PABPC1L: variants seen among roughly 807,000 people sequenced by gnomAD.
The protein encoded by PABPC1L is polyadenylate-binding protein 1-like.
Under a neutral mutation model 66.6 loss-of-function variants are expected in PABPC1L, and 31 were observed. The ratio of observed to expected loss-of-function variants is 0.47; its 90% confidence interval spans 0.35 to 0.63. The LOEUF (loss-of-function observed/expected upper bound fraction) is 0.63, where lower values mean the gene tolerates loss of function less well. Among genes scored for constraint, PABPC1L ranks in the 20% least tolerant of loss-of-function variants. The pLI is 0.00. For missense variants in PABPC1L, 722 were observed against 848.8 expected, an observed-to-expected ratio of 0.85 and a Z score of 1.86; for synonymous variants, 348 against 335.1, an observed-to-expected ratio of 1.04 and a Z score of -0.42.
At chr20:44,913,377 A>T (rs1427127688) in intron 2 of PABPC1L, among the ~76,000 whole-genome samples, 2 of 151,780 alleles carry the variant, frequency 1.3e-5, no homozygotes, top group Admixed American at 6.6e-5. Context: ...GCCTCTTGAG[A>T]ACTAAATGCA....
chr20:44,911,689 C>T (rs1368204565), intron 1 of PABPC1L, among the ~76,000 whole-genome samples: 1 of 152,126 alleles, frequency 6.6e-6, no homozygotes. Flanking sequence ...GGGCTGGATT[C>T]CTGGGCACTT....
At chr20:44,928,864 C>CA (rs10597679) in intron 7 of PABPC1L, among the ~76,000 whole-genome samples, 1,591 of 54,186 alleles carry the variant, frequency 0.029, 107 homozygotes, top group African/African-American at 0.1. Flanking sequence ...GATCCTGACT[C>CA]AAAAAAAAAA....
intron 7 of PABPC1L, among the ~76,000 whole-genome samples, chr20:44,929,506 T>C (rs150587125): frequency 2.6e-5 from 4 of 152,016 alleles, no homozygotes; most frequent in East Asian, 3.9e-4. Context: ...GTGAAAGATA[T>C]ACAGCAGGCC....
intron 2 of PABPC1L, among the ~76,000 whole-genome samples, chr20:44,915,160 A>C (rs924365030): frequency 6.6e-6 from 1 of 152,238 alleles, no homozygotes; most frequent in Admixed American, 6.5e-5. Context: ...GGGGAGCCTC[A>C]AATGCCAAGT....
chr20:44,932,721 T>C (rs980268045), intron 9 of PABPC1L: 2 of 500,626 alleles, frequency 4.0e-6, no homozygotes, highest in African/African-American at 3.8e-5. Context: ...AAGGTGAAAT[T>C]CCTCTGGCTA....
chr20:44,932,110 G>A (rs917457273), intron 8 of PABPC1L: 3 of 375,796 alleles, frequency 8.0e-6, no homozygotes, highest in South Asian at 9.7e-5. Context: ...AGGTCATTGG[G>A]TTAGCTGACA....
At chr20:44,936,786 A>G in intron 12 of PABPC1L, 56 bp downstream of exon 12, 2 of 1,530,802 alleles carry the variant, frequency 1.3e-6, no homozygotes, top group Non-Finnish European at 1.8e-6. Flanking sequence ...CGAGCTGGCT[A>G]GCCTGCTGGG....
intron 9 of PABPC1L, chr20:44,932,827 A>C: frequency 1.8e-6 from 1 of 561,490 alleles, no homozygotes; most frequent in East Asian, 2.9e-5. Context: ...GTGCTTATGC[A>C]GTTTGGGGCT....
At chr20:44,924,338 C>T (rs1338190908) in intron 7 of PABPC1L, 82 bp downstream of exon 7, 11 of 1,118,966 alleles carry the variant, frequency 9.8e-6, no homozygotes, top group Middle Eastern at 2.6e-4. Flanking sequence ...ACCCCTCCAC[C>T]CTCTCGCCCA....
chr20:44,937,827 C>CA (rs2066913085), intron 12 of PABPC1L: 2 of 509,664 alleles, frequency 3.9e-6, no homozygotes, highest in Non-Finnish European at 6.8e-6. Context: ...CCACTTAAGG[C>CA]ACCCAGTCCT....
rs2066693884 is a variant in PABPC1L, at chr20:44,910,200, C to G, written c.57C>G (p.His19Gln). The change falls in exon 1 of 15, where the codon CAC (histidine) becomes CAG (glutamine). Residue 19 changes from histidine to glutamine, a missense_variant. By Grantham distance (24) the His-to-Gln change is conservative. Transcript: ENST00000217073. ...CCTCGCTTTACGTGGGCGATCTGCA[C>G]CCCGACGTGACCGAGGCCATGCTCT... ...PLASLYVGDL[H>Q]PDVTEAMLYE... 1 of 1,581,308 alleles carries G rather than the reference C, an allele frequency of 6.3e-7. No homozygotes were observed. The highest frequency in any genetic ancestry group is 1.8e-5 in the Admixed American group (1 of 55,992).
At chr20:44,930,995 T>TC (rs2066848787) in intron 8 of PABPC1L, among the ~76,000 whole-genome samples, 1 of 117,394 alleles carries the variant, frequency 8.5e-6, no homozygotes, top group Non-Finnish European at 1.8e-5. Flanking sequence ...AAGACCTACA[T>TC]TTTTCCTTCC....
intron 11 of PABPC1L, 129 bp downstream of exon 11, chr20:44,935,626 C>A: frequency 1.5e-6 from 1 of 660,950 alleles, no homozygotes; most frequent in Non-Finnish European, 2.6e-6. Flanking sequence ...TTAATGTGTA[C>A]AATCAATAAG....
rs1434646734 is a variant in PABPC1L at position 44,910,135 on chromosome 20, C to T, written c.-9C>T. ...CTGCTTGCCCCGCAGCCCCGGCCCC[C>T]TGCCCACCATGAACGCCAGCGGTTC... On this transcript the variant is annotated 5_prime_UTR_variant, in exon 1 of 15. Transcript: ENST00000217073. 1 of 1,554,308 alleles carries T rather than the reference C, an allele frequency of 6.4e-7. No individual in the cohort carries two copies. The highest frequency in any genetic ancestry group is 8.7e-7 in the Non-Finnish European group (1 of 1,149,310).
Position 44,910,071 on chromosome 20 carries a change from C to A in PABPC1L, c.-73C>A, listed in dbSNP as rs1029609529. 2 of 1,347,072 alleles carry A rather than the reference C, an allele frequency of 1.5e-6. No individual in the cohort carries two copies. The allele number at this position is 1,347,072 out of a possible 1,614,324, so 83.4% of individuals were successfully genotyped here. ...GGCCCGCGCCCAGGAAGGAGGGCTT[C>A]CGCCCGGGTGAGCGCGGGGCTGCTG... On this transcript the variant is annotated 5_prime_UTR_variant, in exon 1 of 15. Transcript: ENST00000217073.
In PABPC1L at chr20:44,939,194, C is replaced by T. The variant is rs1209257646; in HGVS notation, c.*75C>T. ...TCTGGCTCTCAGCCCTAAGGCCCTG[C>T]AAACTCTAACTTATTTCCCAATTAG... On this transcript the variant is annotated 3_prime_UTR_variant, in exon 15 of 15. Coordinates refer to ENST00000217073, the MANE Select transcript of PABPC1L (RefSeq NM_001372179.1). 2 of 717,748 alleles carry T rather than the reference C, an allele frequency of 2.8e-6. No individual in the cohort carries two copies. Among genetic ancestry groups the T allele is most frequent in the East Asian group, 5.4e-5 (2 of 37,312 alleles). 44.5% of individuals were successfully genotyped at this position (717,748 alleles called of 1,614,324 possible). A position where few individuals can be genotyped will look rare whatever the true frequency, so the allele number is the denominator to read the frequency against.
At chr20:44,928,220 G>A (rs370725107) in intron 7 of PABPC1L, among the ~76,000 whole-genome samples, 47 of 151,948 alleles carry the variant, frequency 3.1e-4, no homozygotes, top group Non-Finnish European at 6.3e-4. Context: ...ACAGGCACCC[G>A]CCACCATAAC....
At chr20:44,918,618 T>A (rs1210133261) in intron 3 of PABPC1L, among the ~76,000 whole-genome samples, 1 of 152,250 alleles carries the variant, frequency 6.6e-6, no homozygotes, top group Non-Finnish European at 1.5e-5. Context: ...GGCTCATTCT[T>A]CTGTGCTCTC....
intron 10 of PABPC1L, among the ~76,000 whole-genome samples, chr20:44,934,379 A>G (rs1166260736): frequency 6.6e-6 from 1 of 152,234 alleles, no homozygotes; most frequent in African/African-American, 2.4e-5. Flanking sequence ...GATCAATGGC[A>G]TTAAGTATAT....
Sources: gnomAD v4.1 joint callset for allele counts (sites outside exome capture counted in the v4.1 genomes callset) on GRCh38, gnomAD v4.1.1 for gene constraint, MANE v1.5 for transcripts, NCBI Gene and HGNC (gene_info 2026-07-23, HGNC 2026-07-21) for gene names.